The following TMEM132C variants were observed in gnomAD, a reference collection of about 807,000 sequenced individuals.
TMEM132C encodes transmembrane protein 132C, also known as protein phosphatase 1, regulatory subunit 152.
TMEM132C carries 29 observed loss-of-function variants against 61.4 expected under a neutral mutation model. The ratio of observed to expected loss-of-function variants is 0.47; its 90% CI spans 0.35 to 0.64. The LOEUF (loss-of-function observed/expected upper bound fraction) is 0.64. TMEM132C is among the 30% of genes least tolerant of loss of function. The pLI, the probability that TMEM132C is intolerant of heterozygous loss-of-function variation, is 0.00. For synonymous variants in TMEM132C, 656 were observed against 633.1 expected (o/e 1.04, Z -0.54); for missense variants, 1,408 against 1,476.9 (o/e 0.95, Z 0.76).
At chr12:128,594,073 C>A (rs1422305376) in intron 3 of TMEM132C, among the ~76,000 whole-genome samples, 1 of 121,242 alleles carries the variant, frequency 8.2e-6, no homozygotes, top group Non-Finnish European at 1.6e-5. Flanking sequence ...CAAGAGGGAA[C>A]AAAGAAATCA....
chr12:128,349,471 G>A (rs139347041), intron 1 of TMEM132C, among the ~76,000 whole-genome samples: 64 of 152,270 alleles, frequency 4.2e-4, no homozygotes, highest in African/African-American at 1.5e-3. Context: ...CTTGGATCAC[G>A]GGGGTTGGGG....
At chr12:128,544,257 C>A (rs1873869776) in intron 3 of TMEM132C, among the ~76,000 whole-genome samples, 154 bp downstream of exon 3, 1 of 152,270 alleles carries the variant, frequency 6.6e-6, no homozygotes. Context: ...GATATCCATG[C>A]AGGACCCTCT....
chr12:128,392,064 T>TTCTCTC (rs34334973), intron 1 of TMEM132C, among the ~76,000 whole-genome samples: 2,647 of 130,486 alleles, frequency 0.02, 33 homozygotes, highest in South Asian at 0.037. Context: ...CTCTCTCTCT[T>TTCTCTC]TCTCTCTCTC....
intron 1 of TMEM132C, among the ~76,000 whole-genome samples, chr12:128,413,368 C>G (rs552016177): frequency 6.8e-6 from 1 of 147,140 alleles, no homozygotes; most frequent in South Asian, 2.2e-4. Flanking sequence ...TTCTGATTGC[C>G]AGAGGTGTAT....
intron 2 of TMEM132C, among the ~76,000 whole-genome samples, chr12:128,429,888 C>T (rs962552496): frequency 1.3e-5 from 2 of 152,090 alleles, no homozygotes; most frequent in African/African-American, 4.8e-5. Context: ...GCCACTGCTC[C>T]GTATCTCAGA....
At chr12:128,287,796 C>T (rs2135905388) in intron 1 of TMEM132C, among the ~76,000 whole-genome samples, 1 of 152,196 alleles carries the variant, frequency 6.6e-6, no homozygotes, top group Non-Finnish European at 1.5e-5. Context: ...CTTGTAATGT[C>T]TCTTTGTGTT....
chr12:128,657,431 AATGAGATGTG>A (rs1239218818), intron 4 of TMEM132C, among the ~76,000 whole-genome samples: 27 of 152,168 alleles, frequency 1.8e-4, no homozygotes, highest in African/African-American at 6.0e-4. Flanking sequence ...AGCATTGGGT[AATGAGATGTG>A]ATGAGATTGG....
intron 2 of TMEM132C, among the ~76,000 whole-genome samples, chr12:128,513,283 A>G (rs958229236): frequency 6.6e-6 from 1 of 152,120 alleles, no homozygotes; most frequent in South Asian, 2.1e-4. Context: ...TCAGTATGGA[A>G]TAACCTCCTC....
At chr12:128,423,598 A>G (rs1869066621) in intron 2 of TMEM132C, among the ~76,000 whole-genome samples, 4 of 152,192 alleles carry the variant, frequency 2.6e-5, no homozygotes, top group Non-Finnish European at 5.9e-5. Context: ...GAGTTGAAAG[A>G]CTGGCTTTTG....
chr12:128,283,238 GTGT>G (rs1397231900), intron 1 of TMEM132C, among the ~76,000 whole-genome samples: 1 of 152,160 alleles, frequency 6.6e-6, no homozygotes, highest in Non-Finnish European at 1.5e-5. Context: ...GACAACTTCT[GTGT>G]TGTTCTGACA....
intron 1 of TMEM132C, among the ~76,000 whole-genome samples, chr12:128,401,895 C>T (rs1274240923): frequency 6.6e-6 from 1 of 152,190 alleles, no homozygotes; most frequent in Admixed American, 6.5e-5. Flanking sequence ...ATCAAAATGC[C>T]ACCCTCCCCA....
chr12:128,435,786 GA>G (rs565889008), intron 2 of TMEM132C, among the ~76,000 whole-genome samples: 1 of 151,926 alleles, frequency 6.6e-6, no homozygotes, highest in East Asian at 1.9e-4. Flanking sequence ...CACAGAACTG[GA>G]AAAAAACTAC....
chr12:128,476,513 C>T (rs572198445), intron 2 of TMEM132C, among the ~76,000 whole-genome samples: 3 of 152,264 alleles, frequency 2.0e-5, no homozygotes, highest in African/African-American at 7.2e-5. Context: ...TTCCTGTCTA[C>T]ATCATAAAGT....
chr12:128,547,676 CG>C (rs1874007487), intron 3 of TMEM132C, among the ~76,000 whole-genome samples: 1 of 152,148 alleles, frequency 6.6e-6, no homozygotes, highest in African/African-American at 2.4e-5. Flanking sequence ...GCCACATCCC[CG>C]TGTTGGCCAC....
At chr12:128,293,681 A>C (rs1387676298) in intron 1 of TMEM132C, among the ~76,000 whole-genome samples, 3 of 152,124 alleles carry the variant, frequency 2.0e-5, no homozygotes, top group African/African-American at 7.2e-5. Context: ...GTAAACTCTC[A>C]GGTCTCTCAT....
At chr12:128,325,576 C>T (rs1235205977) in intron 1 of TMEM132C, among the ~76,000 whole-genome samples, 2 of 152,140 alleles carry the variant, frequency 1.3e-5, no homozygotes, top group Non-Finnish European at 2.9e-5. Context: ...ATGAAAGTTA[C>T]TTAAAATGTG....
chr12:128,338,136 A>G (rs1199254740), intron 1 of TMEM132C, among the ~76,000 whole-genome samples: 1 of 151,830 alleles, frequency 6.6e-6, no homozygotes, highest in African/African-American at 2.4e-5. Flanking sequence ...AGAACCTCTC[A>G]AAGCAATATT....
rs148494597 is a variant in TMEM132C, at chr12:128,436,859, C to T, written c.974+21239C>T. On this transcript the variant is annotated intron_variant, in intron 2 of 8. Coordinates refer to ENST00000435159, the MANE Select transcript of TMEM132C (RefSeq NM_001136103.3). ...GACACATGCACACGTATGTTTATTG[C>T]GGCACTATTCACAATAGCAAAGACT... 8.6e-3 allele frequency among the ~76,000 whole-genome samples: 1,310 copies of T among 152,196 alleles called. 17 individuals are homozygous for T. Among genetic ancestry groups the T allele is most frequent in the African/African-American group, 0.03 (1,226 of 41,518 alleles).
intron 2 of TMEM132C, among the ~76,000 whole-genome samples, chr12:128,476,940 C>T (rs2136087182): frequency 6.6e-6 from 1 of 152,312 alleles, no homozygotes; most frequent in East Asian, 1.9e-4. Flanking sequence ...CAAATCTGTA[C>T]ATAAAATAAA....
Sources: allele counts gnomAD v4.1 joint callset (sites outside exome capture counted in the v4.1 genomes callset), GRCh38; gene constraint gnomAD v4.1.1; transcripts MANE v1.5; gene names NCBI Gene and HGNC (gene_info 2026-07-23, HGNC 2026-07-21).